Variants in CCDC27 observed in about 807,000 individuals in gnomAD.
CCDC27 encodes the protein coiled-coil domain containing 27, also known as coiled-coil domain-containing protein 27.
A neutral mutation model predicts 80.3 loss-of-function variants in CCDC27; 80 were observed. That is an observed-to-expected ratio of 1.00 (90% CI 0.83 to 1.20). The LOEUF is 1.20. Ranked by LOEUF, CCDC27 falls within the 50% of genes most tolerant of loss-of-function variation. The pLI is 0.00. For synonymous variants in CCDC27, 342 were observed against 334.3 expected (o/e 1.02, Z -0.25); for missense variants, 815 against 809.4 (o/e 1.01, Z -0.08).
chr1:3,756,745 C>A lies in CCDC27; in HGVS notation c.566C>A (p.Pro189His). 1 of 1,613,986 alleles carries A rather than the reference C, an allele frequency of 6.2e-7. No individual in the cohort carries two copies. Residue 189 changes from proline to histidine, a missense_variant, in exon 4 of 12, where the codon CCC becomes CAC. By Grantham distance (77) the Pro-to-His change is moderately conservative. Transcript: ENST00000294600. ...SDTNVDGYLL[P>H]FSKSICEFDY... ...GCTGTCGCCACAGGGTACCTCCTTC[C>A]CTTCAGTAAGAGCATCTGCGAGTTC...
rs756184696 is a variant in CCDC27, at chr1:3,755,585, G to C, written c.553+18G>C. On this transcript the variant is annotated intron_variant, in intron 3 of 11. Transcript: ENST00000294600. Reference sequence around the variant, plus strand: ...CGTGGACGGTGAGGGAGCCCCTAGGGCCTCTGCCTGCACCTGCTGGGCCCC... The same window carrying C: ...CGTGGACGGTGAGGGAGCCCCTAGGCCCTCTGCCTGCACCTGCTGGGCCCC... 1 of 1,594,510 alleles carries C rather than the reference G, an allele frequency of 6.3e-7. No individual in the cohort carries two copies. Among genetic ancestry groups the C allele is most frequent in the Admixed American group, 1.7e-5 (1 of 59,998 alleles).
rs1557626462 is a variant in CCDC27 at position 3,763,263 on chromosome 1, C to CG, written c.1111dup (p.Glu371GlyfsTer12). ...TGGGATCCGTGCATGAGGAGGGAAG[C>CG]GAGGAGGAGGAAGAGGAGGAAGGGG... is the stretch of plus-strand genomic sequence containing the variant. On this transcript the variant is annotated frameshift_variant, in exon 7 of 12. Coordinates refer to ENST00000294600, the MANE Select transcript of CCDC27 (RefSeq NM_152492.3). LOFTEE classifies it high-confidence loss of function. This position sits in a 1 kb window ranked among gnomAD's most constrained non-coding sequence, Gnocchi z 7.5. The CG allele has an allele frequency of 2.5e-6, 4 of 1,577,398 alleles. No individual in the cohort carries two copies. The South Asian group carries it at 4.6e-5, about 18-fold the overall frequency.
At chr1:3,764,529 C>G (rs1438944955) in intron 8 of CCDC27, among the ~76,000 whole-genome samples, 1 of 152,192 alleles carries the variant, frequency 6.6e-6, no homozygotes, top group East Asian at 1.9e-4. Context: ...TCCATCCACC[C>G]TCCTCCTCGT....
chr1:3,752,882 G>A (rs1264808016), intron 1 of CCDC27, 83 bp downstream of exon 1: 19 of 1,432,214 alleles, frequency 1.3e-5, no homozygotes. Context: ...AGAGCTGTCA[G>A]CCCACAAAGC....
At chr1:3,762,247 G>GTGGC (rs1643104853) in intron 5 of CCDC27, among the ~76,000 whole-genome samples, 1 of 152,192 alleles carries the variant, frequency 6.6e-6, no homozygotes, top group Admixed American at 6.5e-5. Flanking sequence ...GCAGGGAAAG[G>GTGGC]TGGCCAGCCG....
At chr1:3,770,620 C>T (rs1643336188) in intron 11 of CCDC27, among the ~76,000 whole-genome samples, 1 of 152,196 alleles carries the variant, frequency 6.6e-6, no homozygotes, top group African/African-American at 2.4e-5. Context: ...TCCCAAGACC[C>T]ACACTTCACC....
In CCDC27 at chr1:3,761,382, C is replaced by A. The variant is rs754319019; in HGVS notation, c.813C>A (p.Cys271Ter). 1.2e-6 allele frequency: 2 copies of A among 1,614,106 alleles called. No homozygotes were observed. The highest frequency in any genetic ancestry group is 1.7e-6 in the Non-Finnish European group (2 of 1,180,020). Reference protein sequence around the residue: ...EREALKMQLKCLLKGKGQETS... With the variant: ...EREALKMQLK Reference sequence around the variant, plus strand: ...AGGCCCTGAAGATGCAGCTGAAATGCCTTCTGAAAGGCAAAGGCCAAGAGA... The same window carrying A: ...AGGCCCTGAAGATGCAGCTGAAATGACTTCTGAAAGGCAAAGGCCAAGAGA... Residue 271 changes from cysteine (C) to a stop codon, truncating the protein, a stop_gained, in exon 5 of 12, where the codon TGC becomes TGA. Transcript: ENST00000294600. LOFTEE classifies it high-confidence loss of function. The surrounding 1 kb of genome is among the most constrained non-coding windows in gnomAD (Gnocchi z 5.0).
chr1:3,765,819 T>C (rs1643213765), intron 8 of CCDC27, among the ~76,000 whole-genome samples: 1 of 152,158 alleles, frequency 6.6e-6, no homozygotes, highest in Admixed American at 6.5e-5. Context: ...GGCAGAGCAG[T>C]GTGCTTTGCT....
Position 3,767,350 on chromosome 1 carries a change from TG to T in CCDC27, c.1650del (p.Trp550Ter). On this transcript the variant is annotated frameshift_variant, in exon 10 of 12. Transcript: ENST00000294600. LOFTEE classifies it high-confidence loss of function. ...VELDQNHLQR[W>X]KQLQEDLQSK... Reference sequence around the variant, plus strand: ...ACTGGACCAGAACCACCTGCAGAGGTGGAAGCAGCTGCAGGAGGATTTGCAG... The same window carrying T: ...ACTGGACCAGAACCACCTGCAGAGGTGAAGCAGCTGCAGGAGGATTTGCAG... 3 of 1,613,452 alleles carry T rather than the reference TG, an allele frequency of 1.9e-6. No homozygotes were observed. Among genetic ancestry groups the T allele is most frequent in the Non-Finnish European group, 2.5e-6 (3 of 1,179,868 alleles).
chr1:3,763,264 G>T lies in CCDC27; in HGVS notation c.1111G>T (p.Glu371Ter). 1 of 1,581,586 alleles carries T rather than the reference G, an allele frequency of 6.3e-7. No individual in the cohort carries two copies. The highest frequency in any genetic ancestry group is 2.3e-5 in the East Asian group (1 of 43,572). The change falls in exon 7 of 12, where the codon GAG becomes TAG. Residue 371 changes from glutamate (E) to a stop codon, truncating the protein, a stop_gained. Coordinates refer to ENST00000294600, the MANE Select transcript of CCDC27 (RefSeq NM_152492.3). LOFTEE classifies it high-confidence loss of function. The surrounding 1 kb of genome is among the most constrained non-coding windows in gnomAD (Gnocchi z 7.5). ...GGGATCCGTGCATGAGGAGGGAAGCGAGGAGGAGGAAGAGGAGGAAGGGGA... is the reference window on the plus strand; with the variant it reads ...GGGATCCGTGCATGAGGAGGGAAGCTAGGAGGAGGAAGAGGAGGAAGGGGA... Reference protein sequence around the residue: ...QMGSVHEEGSEEEEEEEGDRD... With the variant: ...QMGSVHEEGS
rs1432074831 is a variant in CCDC27, at chr1:3,760,901, G to A, written c.712-380G>A. Among the ~76,000 whole-genome samples the A allele has an allele frequency of 1.3e-5, 2 of 152,190 alleles. No homozygotes were observed. The highest frequency in any genetic ancestry group is 3.9e-4 in the East Asian group (2 of 5,194). ...GACAGGCCCCTAGGGAAGCTTGGAG[G>A]GTGTTGCCGGTTAAGTGTCGGGGCT... On this transcript the variant is annotated intron_variant, in intron 4 of 11. Coordinates refer to ENST00000294600, the MANE Select transcript of CCDC27 (RefSeq NM_152492.3). This position sits in a 1 kb window ranked among gnomAD's most constrained non-coding sequence, Gnocchi z 4.3.
At chr1:3,752,878 G>C in intron 1 of CCDC27, 79 bp downstream of exon 1, 1 of 1,457,726 alleles carries the variant, frequency 6.9e-7, no homozygotes, top group Non-Finnish European at 9.3e-7. Flanking sequence ...CCATAGAGCT[G>C]TCAGCCCACA....
At position 3,767,373 on chromosome 1, in the gene CCDC27, G is replaced by T; in HGVS notation, c.1671G>T (p.Leu557Phe). 6.2e-7 allele frequency: 1 copy of T among 1,613,916 alleles called. No individual in the cohort carries two copies. Among genetic ancestry groups the T allele is most frequent in the South Asian group, 1.1e-5 (1 of 91,090 alleles). Residue 557 changes from leucine (L) to phenylalanine (F), a missense_variant, in exon 10 of 12, where the codon TTG (leucine) becomes TTT (phenylalanine). Coordinates refer to ENST00000294600, the MANE Select transcript of CCDC27 (RefSeq NM_152492.3). ...LQRWKQLQED[L>F]QSKKEMIQQA... ...GGTGGAAGCAGCTGCAGGAGGATTT[G>T]CAGAGCAAGAAGGAGATGATTCAGC... is the stretch of plus-strand genomic sequence containing the variant.
chr1:3,752,852 TCTC>T (rs1642857860), intron 1 of CCDC27, 53 bp downstream of exon 1: 2 of 1,551,862 alleles, frequency 1.3e-6, no homozygotes, highest in Non-Finnish European at 1.8e-6. Flanking sequence ...ACCTGTTTCT[TCTC>T]CTCCCCAAAG....
At chr1:3,755,405 TGG>T in intron 2 of CCDC27, 50 bp from the exon 3 acceptor site, 1 of 1,458,296 alleles carries the variant, frequency 6.9e-7, no homozygotes, top group East Asian at 2.3e-5. Context: ...CTGGAGATCT[TGG>T]GGAGACAAGA....
Position 3,754,162 on chromosome 1 carries a change from A to G in CCDC27, c.363A>G (p.Lys121=). 1 of 1,613,490 alleles carries G rather than the reference A, an allele frequency of 6.2e-7. No homozygotes were observed. The highest frequency in any genetic ancestry group is 8.5e-7 in the Non-Finnish European group (1 of 1,179,782). The part of the protein sequence containing the change: ...DAASLTGFMS[K]MELRRVFPTH... ...CCAGCCTCACCGGCTTCATGTCCAA[A>G]ATGGAACTTCGAAGGGTCTTCCCCA... Residue 121 remains lysine, a synonymous_variant, in exon 2 of 12, where the codon AAA becomes AAG. Coordinates refer to ENST00000294600, the MANE Select transcript of CCDC27 (RefSeq NM_152492.3).
intron 8 of CCDC27, among the ~76,000 whole-genome samples, chr1:3,764,163 G>A (rs1017900066): frequency 7.9e-5 from 12 of 152,280 alleles, no homozygotes; most frequent in Admixed American, 2.6e-4. Context: ...GGGTAAGAAC[G>A]CCCTATCCGT....
chr1:3,769,886 A>G lies in CCDC27; in HGVS notation c.1847A>G (p.Gln616Arg). ...GACAATGACATCCTGGAAGCCCTGCAGGTATACCCCTAAGCTCAGCTGCCT... is the reference window on the plus strand; with the variant it reads ...GACAATGACATCCTGGAAGCCCTGCGGGTATACCCCTAAGCTCAGCTGCCT... ...ISDNDILEALQRIISERSDYY... is the reference protein window; with the variant it reads ...ISDNDILEALRRIISERSDYY... The change falls in exon 11 of 12, where the codon CAG becomes CGG. Residue 616 changes from glutamine to arginine, a missense_variant and splice_region_variant. Coordinates refer to ENST00000294600, the MANE Select transcript of CCDC27 (RefSeq NM_152492.3). This position sits in a 1 kb window ranked among gnomAD's most constrained non-coding sequence, Gnocchi z 4.6. 1 of 1,611,860 alleles carries G rather than the reference A, an allele frequency of 6.2e-7. No homozygotes were observed. Among genetic ancestry groups the G allele is most frequent in the Non-Finnish European group, 8.5e-7 (1 of 1,178,016 alleles).
Position 3,769,764 on chromosome 1 carries a change from G to A in CCDC27, c.1744-19G>A, listed in dbSNP as rs765627076. The stretch of plus-strand genomic sequence containing the variant: ...TTCTTGGGTAAAGGCGAATGATAGT[G>A]TTGTCCCTTTGCTCACAGCTCGAGA... On this transcript the variant is annotated intron_variant, in intron 10 of 11. Coordinates refer to ENST00000294600, the MANE Select transcript of CCDC27 (RefSeq NM_152492.3). This position sits in a 1 kb window ranked among gnomAD's most constrained non-coding sequence, Gnocchi z 4.6. 6.3e-7 allele frequency: 1 copy of A among 1,590,148 alleles called. No individual in the cohort carries two copies. The highest frequency in any genetic ancestry group is 8.6e-7 in the Non-Finnish European group (1 of 1,158,162).
Sources: gnomAD v4.1 joint callset for allele counts (sites outside exome capture counted in the v4.1 genomes callset) on GRCh38, gnomAD v4.1.1 for gene constraint, Gnocchi (gnomAD v3.1) non-coding constraint, MANE v1.5 for transcripts, NCBI Gene and HGNC (gene_info 2026-07-23, HGNC 2026-07-21) for gene names.